GABRA4: variants seen among roughly 807,000 people sequenced by gnomAD.
GABRA4 encodes gamma-aminobutyric acid receptor subunit alpha-4.
In GABRA4, 12 loss-of-function variants were observed where a neutral mutation model predicts 49.7. That is an observed-to-expected ratio of 0.24 (90% confidence interval 0.15 to 0.39). The LOEUF (loss-of-function observed/expected upper bound fraction) is 0.39, where lower values mean the gene tolerates loss of function less well. Among genes scored for constraint, GABRA4 ranks in the 10% least tolerant of loss-of-function variants. GABRA4 has a pLI of 1.00. For synonymous variants in GABRA4, 288 were observed against 240.2 expected, an observed-to-expected ratio of 1.20 and a Z score of -1.84; for missense variants, 506 against 686.0, an observed-to-expected ratio of 0.74 and a Z score of 2.93.
intron 4 of GABRA4, 97 bp from the exon 5 acceptor site, chr4:46,977,240 GAAGAAGGGAGGGAAGAA>G: frequency 1.7e-6 from 1 of 583,410 alleles, no homozygotes; most frequent in Non-Finnish European, 2.7e-6. Flanking sequence ...AAGGAGGAAG[GAAGAAGGGAGGGAAGAA>G]AAGGAAGGAA....
chr4:46,981,149 C>G (rs908204760), intron 2 of GABRA4, among the ~76,000 whole-genome samples: 4 of 152,028 alleles, frequency 2.6e-5, no homozygotes, highest in Non-Finnish European at 5.9e-5. Context: ...TCACTTTACT[C>G]TATTTTACAG....
chr4:46,957,889 A>C (rs1478256114), intron 8 of GABRA4, among the ~76,000 whole-genome samples: 1 of 152,020 alleles, frequency 6.6e-6, no homozygotes, highest in East Asian at 1.9e-4. Flanking sequence ...TCAAGTATAG[A>C]CTAAATGTAA....
chr4:46,961,207 C>A (rs1470485530), intron 8 of GABRA4, among the ~76,000 whole-genome samples: 3 of 151,794 alleles, frequency 2.0e-5, no homozygotes, highest in African/African-American at 7.3e-5. Context: ...TGCACACACG[C>A]CATTCTTAAA....
intron 2 of GABRA4, among the ~76,000 whole-genome samples, chr4:46,991,579 A>G (rs753742416): frequency 2.0e-5 from 3 of 152,196 alleles, no homozygotes; most frequent in Non-Finnish European, 4.4e-5. Flanking sequence ...GGAGGTATAA[A>G]GTTGCTCCAT....
intron 6 of GABRA4, among the ~76,000 whole-genome samples, chr4:46,971,616 T>A (rs1295729738): frequency 6.6e-6 from 1 of 151,402 alleles, no homozygotes; most frequent in East Asian, 2.0e-4. Context: ...AAAATAGAAA[T>A]GCACACAGTT....
intron 2 of GABRA4, among the ~76,000 whole-genome samples, chr4:46,983,271 TC>T (rs1560483539): frequency 1.3e-5 from 2 of 152,116 alleles, no homozygotes; most frequent in Admixed American, 6.6e-5. Flanking sequence ...ATACCTACAT[TC>T]CCTGCTTTGT....
At chr4:46,967,234 C>T (rs571906258) in intron 7 of GABRA4, among the ~76,000 whole-genome samples, 1 of 151,492 alleles carries the variant, frequency 6.6e-6, no homozygotes, top group South Asian at 2.1e-4. Context: ...ATGAACAGTG[C>T]AGTATAAATA....
intron 8 of GABRA4, among the ~76,000 whole-genome samples, chr4:46,935,105 A>G (rs939353197): frequency 2.0e-5 from 3 of 152,230 alleles, no homozygotes; most frequent in African/African-American, 7.2e-5. Context: ...TCAAAGTCTC[A>G]AACAAGCCCT....
At chr4:46,969,960 C>T (rs1722891509) in intron 7 of GABRA4, among the ~76,000 whole-genome samples, 3 of 151,282 alleles carry the variant, frequency 2.0e-5, no homozygotes, top group Admixed American at 1.3e-4. Flanking sequence ...TCCACCATTG[C>T]CCCCCCATAT....
intron 8 of GABRA4, among the ~76,000 whole-genome samples, chr4:46,962,715 A>G (rs1722619741): frequency 6.6e-6 from 1 of 151,896 alleles, no homozygotes; most frequent in Admixed American, 6.6e-5. Context: ...TTATACTACA[A>G]ATCTGTAATA....
chr4:46,947,985 C>T (rs780467137), intron 8 of GABRA4, among the ~76,000 whole-genome samples: 15 of 152,102 alleles, frequency 9.9e-5, no homozygotes, highest in Non-Finnish European at 1.6e-4. Flanking sequence ...GCAGTTGAGG[C>T]TGGGGCTGTC....
At position 46,961,712 on chromosome 4, in the gene GABRA4, T is replaced by C. The variant is rs574323900; in HGVS notation, c.1134+3258A>G. 9.2e-5 allele frequency among the ~76,000 whole-genome samples: 14 copies of C among 152,002 alleles called. 2 individuals carry two copies. The South Asian group carries it at 2.7e-3, about 29-fold the overall frequency. On this transcript the variant is annotated intron_variant, in intron 8 of 8. Transcript: ENST00000264318. Reference sequence around the variant, plus strand: ...AAACAAAGGGAGTCTTAGACTACCATATGTGGCAAATACCATAGACTGTAT... The same window carrying C: ...AAACAAAGGGAGTCTTAGACTACCACATGTGGCAAATACCATAGACTGTAT...
At chr4:46,972,438 A>AT (rs947690248) in intron 6 of GABRA4, among the ~76,000 whole-genome samples, 1 of 151,578 alleles carries the variant, frequency 6.6e-6, no homozygotes, top group Admixed American at 6.6e-5. Context: ...TTTTTAACCA[A>AT]TTTTTTGAGG....
At chr4:46,978,687 C>CAA (rs71193889) in intron 3 of GABRA4, among the ~76,000 whole-genome samples, 4,053 of 21,626 alleles carry the variant, frequency 0.19, 530 homozygotes, top group Non-Finnish European at 0.24. Flanking sequence ...AACTTCATCT[C>CAA]AAAAAAAAAA....
intron 8 of GABRA4, among the ~76,000 whole-genome samples, chr4:46,956,686 G>A (rs537526492): frequency 2.0e-5 from 3 of 152,030 alleles, no homozygotes; most frequent in South Asian, 2.1e-4. Context: ...TCCTGCTGCG[G>A]CTCACCACTT....
intron 2 of GABRA4, among the ~76,000 whole-genome samples, chr4:46,988,543 G>A (rs1379689307): frequency 6.6e-6 from 1 of 152,160 alleles, no homozygotes; most frequent in Non-Finnish European, 1.5e-5. Flanking sequence ...ACTTTTAAGT[G>A]GAGAAACATA....
chr4:46,964,892 T>A, intron 8 of GABRA4, 78 bp downstream of exon 8: 1 of 1,434,404 alleles, frequency 7.0e-7, no homozygotes, highest in Non-Finnish European at 9.4e-7. Context: ...ATTTTTAAGT[T>A]CTCAGTTTGT....
At chr4:46,988,129 G>A (rs1723608081) in intron 2 of GABRA4, among the ~76,000 whole-genome samples, 1 of 151,984 alleles carries the variant, frequency 6.6e-6, no homozygotes, top group Non-Finnish European at 1.5e-5. Context: ...TTTCATGTCT[G>A]ACACCTTTAA....
rs190490493 is a variant in GABRA4, at chr4:46,974,046, T to G, written c.721+186A>C. The stretch of plus-strand genomic sequence containing the variant: ...TTTTAGCATCTTACTAAATCAGAAT[T>G]TATTTTAAACTAAAGTAAGATTATA... On this transcript the variant is annotated intron_variant, in intron 6 of 8. Transcript: ENST00000264318. Among the ~76,000 whole-genome samples the G allele has an allele frequency of 4.6e-5, 7 of 152,002 alleles. No homozygotes were observed. The East Asian group carries it at 1.4e-3, about 30-fold the overall frequency.
Sources: allele counts gnomAD v4.1 joint callset (sites outside exome capture counted in the v4.1 genomes callset), GRCh38; gene constraint gnomAD v4.1.1; transcripts MANE v1.5; gene names NCBI Gene and HGNC (gene_info 2026-07-23, HGNC 2026-07-21).